The following SLC30A10 variants were observed in gnomAD, a reference collection of about 807,000 sequenced individuals.
The protein encoded by SLC30A10 is calcium/manganese antiporter SLC30A10.
SLC30A10 carries 8 observed loss-of-function variants against 21.7 expected under a neutral mutation model. The observed-to-expected ratio is 0.37, with a 90% CI of 0.22 to 0.67. The LOEUF is 0.67. Ranked by LOEUF, SLC30A10 falls within the 30% of genes least tolerant of loss-of-function variation. The pLI, the probability that SLC30A10 is intolerant of heterozygous loss-of-function variation, is 0.58. For synonymous variants in SLC30A10, 272 were observed against 279.4 expected (o/e 0.97, Z 0.26); for missense variants, 521 against 642.5 (o/e 0.81, Z 2.04).
At chr1:219,926,421 T>C (rs1659826417) in intron 2 of SLC30A10, among the ~76,000 whole-genome samples, 1 of 152,172 alleles carries the variant, frequency 6.6e-6, no homozygotes, top group Admixed American at 6.6e-5. Context: ...GCTACAATGG[T>C]GTCCAGCGAG....
chr1:219,940,954 G>GA (rs1278242026), intron 1 of SLC30A10, among the ~76,000 whole-genome samples: 3 of 152,134 alleles, frequency 2.0e-5, no homozygotes, highest in African/African-American at 4.8e-5. Context: ...ACTGAGAGTA[G>GA]AAAAAAATCT....
rs532451781 is a variant in SLC30A10, at chr1:219,928,412, C to A, written c.29G>T (p.Arg10Leu). 1 of 1,612,800 alleles carries A rather than the reference C, an allele frequency of 6.2e-7. No individual in the cohort carries two copies. The highest frequency in any genetic ancestry group is 1.3e-5 in the African/African-American group (1 of 74,982). ...GGTGAGCACCAGCATGAAGAGCAGC[C>A]GGCACGTCTTGCCAGAGTAGCGGCC... MGRYSGKTC[R>L]LLFMLVLTVA... The change falls in exon 1 of 4, where the codon CGG (arginine) becomes CTG (leucine). Residue 10 changes from arginine to leucine, a missense_variant. By Grantham distance (102) the Arg-to-Leu change is moderately radical (BLOSUM62 -2). Transcript: ENST00000366926. The surrounding 1 kb of genome is among the most constrained non-coding windows in gnomAD (Gnocchi z 6.3).
At chr1:219,935,368 C>G (rs1660032000) in intron 1 of SLC30A10, among the ~76,000 whole-genome samples, 2 of 152,108 alleles carry the variant, frequency 1.3e-5, no homozygotes, top group South Asian at 4.1e-4. Flanking sequence ...GCCTTTTGCC[C>G]AAGAAATTGT....
rs1242173732 is a variant in SLC30A10 at position 219,915,398 on chromosome 1, T to C, written c.*51A>G. On this transcript the variant is annotated 3_prime_UTR_variant, in exon 4 of 4. Transcript: ENST00000366926. ...AGAAAGCTCTTTTTGTGAGCCAAGC[T>C]TGTGGTTCCAAAGTGCCTCGTCTAT... is the stretch of plus-strand genomic sequence containing the variant. 2 of 1,567,756 alleles carry C rather than the reference T, an allele frequency of 1.3e-6. No homozygotes were observed. Among genetic ancestry groups the C allele is most frequent in the Non-Finnish European group, 1.7e-6 (2 of 1,157,006 alleles).
At chr1:219,942,580 G>A (rs149928534) in intron 1 of SLC30A10, among the ~76,000 whole-genome samples, 1 of 152,268 alleles carries the variant, frequency 6.6e-6, no homozygotes, top group African/African-American at 2.4e-5. Context: ...GTCATGCTAC[G>A]TATGTAATAA....
At chr1:219,932,638 C>G (rs1659984348), upstream of SLC30A10, among the ~76,000 whole-genome samples, 1 of 146,692 alleles carries the variant, frequency 6.8e-6, no homozygotes, top group Non-Finnish European at 1.5e-5. Flanking sequence ...CAAAAGTATG[C>G]ATATTGGGCC....
chr1:219,930,002 G>A (rs950628794), upstream of SLC30A10, among the ~76,000 whole-genome samples: 4 of 152,116 alleles, frequency 2.6e-5, no homozygotes, highest in Non-Finnish European at 4.4e-5. Context: ...GGTTTCTTTT[G>A]TTGTCTCATT....
intron 1 of SLC30A10, among the ~76,000 whole-genome samples, chr1:219,944,229 C>T (rs1035098945): frequency 4.6e-5 from 7 of 151,582 alleles, no homozygotes; most frequent in South Asian, 2.1e-4. Flanking sequence ...GGGCAGATCA[C>T]GAGGTCAGGA....
rs1226321580 is a variant in SLC30A10, at chr1:219,922,170, G to T, written c.719-3676C>A. ...TTTACCTTCTTGTTTGTGTGTGTGTGTGTGTGTTTTTTTTTTTTTTTTTTT... is the reference window on the plus strand; with the variant it reads ...TTTACCTTCTTGTTTGTGTGTGTGTTTGTGTGTTTTTTTTTTTTTTTTTTT... On this transcript the variant is annotated intron_variant, in intron 2 of 3. Transcript: ENST00000366926. Among the ~76,000 whole-genome samples the T allele has an allele frequency of 2.1e-4, 6 of 29,266 alleles. No individual in the cohort carries two copies. In the East Asian group the frequency reaches 5.8e-3, roughly 28 times the overall value. The allele number at this position is 29,266 out of a possible 152,430, so 19.2% of individuals were successfully genotyped here.
chr1:219,930,175 C>T (rs1370108164), upstream of SLC30A10, among the ~76,000 whole-genome samples: 1 of 145,282 alleles, frequency 6.9e-6, no homozygotes, highest in East Asian at 2.0e-4. Flanking sequence ...AACAAACAAA[C>T]AAAAAAAAAA....
Position 219,912,064 on chromosome 1 carries a change from G to A in SLC30A10, c.*3385C>T, listed in dbSNP as rs1659425572. On this transcript the variant is annotated 3_prime_UTR_variant, in exon 4 of 4. Transcript: ENST00000366926. The stretch of plus-strand genomic sequence containing the variant: ...GACCTCACAGGGCAGCTGTCTTATT[G>A]TAATCCCAAATCTACCTCAGTGATT... 6.8e-6 allele frequency among the ~76,000 whole-genome samples: 1 copy of A among 146,168 alleles called. No individual in the cohort carries two copies. The highest frequency in any genetic ancestry group is 1.5e-5 in the Non-Finnish European group (1 of 66,954).
rs1659393917 is a variant in SLC30A10 at position 219,910,873 on chromosome 1, A to G, written c.*4576T>C. ...ACACATGAAAAGAGAAGCACCAGAA[A>G]ATGACTCGTCTGCATTATCTAAACT... On this transcript the variant is annotated 3_prime_UTR_variant, in exon 4 of 4. Transcript: ENST00000366926. Among the ~76,000 whole-genome samples, 1 of 152,198 alleles carries G rather than the reference A, an allele frequency of 6.6e-6. No individual in the cohort carries two copies. Among genetic ancestry groups the G allele is most frequent in the Non-Finnish European group, 1.5e-5 (1 of 68,036 alleles).
rs904325 is a variant in SLC30A10, at chr1:219,912,251, T to C, written c.*3198A>G. Among the ~76,000 whole-genome samples the C allele has an allele frequency of 0.018, 2,691 of 151,848 alleles. 76 individuals carry two copies. Among genetic ancestry groups the C allele is most frequent in the African/African-American group, 0.06 (2,482 of 41,340 alleles). ...TTCCTCAAATAATGTCTCCCTACTT[T>C]ATTGACATTTTATCAAGAAGAGAGT... On this transcript the variant is annotated 3_prime_UTR_variant, in exon 4 of 4. Transcript: ENST00000366926.
chr1:219,916,021 G>A, intron 3 of SLC30A10, 73 bp from the exon 4 acceptor site: 2 of 1,531,620 alleles, frequency 1.3e-6, no homozygotes, highest in African/African-American at 1.4e-5. Flanking sequence ...GGAGGGATAT[G>A]GTTCCGTTAA....
intron 1 of SLC30A10, among the ~76,000 whole-genome samples, chr1:219,945,534 A>G (rs1660175639): frequency 6.6e-6 from 1 of 152,260 alleles, no homozygotes; most frequent in East Asian, 1.9e-4. Context: ...AGAATGCAAC[A>G]CAGAACAACA....
intron 1 of SLC30A10, 138 bp downstream of exon 1, chr1:219,927,663 A>AACAAC: frequency 2.7e-6 from 1 of 369,720 alleles, no homozygotes; most frequent in Non-Finnish European, 3.9e-6. Flanking sequence ...AAAAAAAAAA[A>AACAAC]AAAAACAACA....
chr1:219,932,327 G>C (rs1776043), upstream of SLC30A10, among the ~76,000 whole-genome samples: 132,887 of 152,296 alleles, frequency 0.87, 58,387 homozygotes, highest in East Asian at 1. Flanking sequence ...TAAAAGTTCT[G>C]TTAGTATTGG....
intron 1 of SLC30A10, among the ~76,000 whole-genome samples, chr1:219,934,417 C>A (rs945854411): frequency 6.6e-6 from 1 of 151,498 alleles, no homozygotes. Context: ...GAGCTGAGAT[C>A]ATGTCATTGC....
In SLC30A10 at chr1:219,915,807, C is replaced by T; in HGVS notation, c.1100G>A (p.Arg367Gln). ...GATTCCCGCATGGTGGAAGATTTCT[C>T]GAATTTTTGTGCTGGCATCTTGATA... ...RGYQDASTKIREIFHHAGIHN... is the reference protein window; with the variant it reads ...RGYQDASTKIQEIFHHAGIHN... The change falls in exon 4 of 4, where the codon CGA becomes CAA. Residue 367 changes from arginine to glutamine, a missense_variant. Transcript: ENST00000366926. 8 of 1,614,202 alleles carry T rather than the reference C, an allele frequency of 5.0e-6. No individual in the cohort carries two copies. Among genetic ancestry groups the T allele is most frequent in the South Asian group, 3.3e-5 (3 of 91,092 alleles).
Sources: gnomAD v4.1 joint callset for allele counts (sites outside exome capture counted in the v4.1 genomes callset) on GRCh38, gnomAD v4.1.1 for gene constraint, Gnocchi (gnomAD v3.1) non-coding constraint, MANE v1.5 for transcripts, NCBI Gene and HGNC (gene_info 2026-07-23, HGNC 2026-07-21) for gene names.